Variants in SPAG16 observed in about 807,000 individuals in gnomAD.
SPAG16 encodes sperm associated antigen 16, also known as sperm-associated antigen 16 protein.
A neutral mutation model predicts 80.4 loss-of-function variants in SPAG16; 86 were observed. The observed-to-expected ratio is 1.07, with a 90% CI of 0.90 to 1.28. SPAG16 has a LOEUF of 1.28. Among genes scored for constraint, SPAG16 ranks in the 50% most tolerant of loss-of-function variants. The pLI is 0.00. For synonymous variants in SPAG16, 294 were observed against 265.9 expected (o/e 1.11, Z -1.03); for missense variants, 870 against 765.3 (o/e 1.14, Z -1.61).
At chr2:214,373,281 C>CAA (rs1699928603) in intron 15 of SPAG16, among the ~76,000 whole-genome samples, 1 of 152,116 alleles carries the variant, frequency 6.6e-6, no homozygotes, top group Non-Finnish European at 1.5e-5. Context: ...TAGGGCAGTG[C>CAA]TATATGGCAA....
At chr2:214,014,244 A>G (rs550778808) in intron 13 of SPAG16, among the ~76,000 whole-genome samples, 167 bp downstream of exon 13, 113 of 152,294 alleles carry the variant, frequency 7.4e-4, no homozygotes, top group African/African-American at 2.7e-3. Flanking sequence ...ACTTGTATCC[A>G]TTCTGCCTTC....
chr2:214,408,029 G>C (rs560050212), intron 15 of SPAG16, among the ~76,000 whole-genome samples: 22 of 152,210 alleles, frequency 1.4e-4, no homozygotes, highest in African/African-American at 5.3e-4. Flanking sequence ...ACCAAAATCT[G>C]TTCTTGAAAA....
chr2:214,070,511 A>G (rs1192256265), intron 13 of SPAG16, among the ~76,000 whole-genome samples: 5 of 152,064 alleles, frequency 3.3e-5, no homozygotes, highest in Non-Finnish European at 7.4e-5. Context: ...ATATATACAA[A>G]AGCAATTTTT....
intron 14 of SPAG16, among the ~76,000 whole-genome samples, chr2:214,113,738 GT>G (rs1243859259): frequency 6.6e-6 from 1 of 152,052 alleles, no homozygotes; most frequent in African/African-American, 2.4e-5. Flanking sequence ...TTTTTTCAAG[GT>G]TTTTAGCTTC....
intron 10 of SPAG16, among the ~76,000 whole-genome samples, chr2:213,727,851 AT>A (rs1370480512): frequency 6.6e-6 from 1 of 151,928 alleles, no homozygotes; most frequent in Non-Finnish European, 1.5e-5. Flanking sequence ...TTTTTATTTT[AT>A]TTTATTTTAT....
intron 10 of SPAG16, among the ~76,000 whole-genome samples, chr2:213,531,264 A>G (rs1201435120): frequency 3.3e-5 from 5 of 152,198 alleles, no homozygotes; most frequent in Admixed American, 1.3e-4. Flanking sequence ...GGGAACTCCC[A>G]AATGCCAGAA....
intron 15 of SPAG16, among the ~76,000 whole-genome samples, chr2:214,203,834 G>C (rs1338762043): frequency 6.6e-6 from 1 of 152,140 alleles, no homozygotes; most frequent in Non-Finnish European, 1.5e-5. Context: ...AGAAGGGGGC[G>C]AATCAGGGGT....
intron 9 of SPAG16, among the ~76,000 whole-genome samples, chr2:213,478,452 A>G (rs1196276950): frequency 6.6e-6 from 1 of 152,174 alleles, no homozygotes; most frequent in Non-Finnish European, 1.5e-5. Flanking sequence ...TAATGTCATA[A>G]ATAGGAGTAC....
chr2:214,057,318 T>C (rs1187215077), intron 13 of SPAG16, among the ~76,000 whole-genome samples: 1 of 152,170 alleles, frequency 6.6e-6, no homozygotes, highest in African/African-American at 2.4e-5. Flanking sequence ...GCAGGATGGA[T>C]GTTGTGTTAT....
intron 15 of SPAG16, among the ~76,000 whole-genome samples, chr2:214,203,422 C>T (rs999802747): frequency 2.0e-5 from 3 of 151,996 alleles, no homozygotes; most frequent in Non-Finnish European, 2.9e-5. Context: ...ACCAGAAAGC[C>T]GAGAGAATCC....
intron 10 of SPAG16, among the ~76,000 whole-genome samples, chr2:213,658,487 A>G (rs1344464502): frequency 3.3e-5 from 5 of 152,204 alleles, no homozygotes; most frequent in Non-Finnish European, 7.3e-5. Flanking sequence ...CTTAAGGAGC[A>G]AGCATTTAAT....
At chr2:214,327,234 T>G (rs1696560939) in intron 15 of SPAG16, among the ~76,000 whole-genome samples, 1 of 152,200 alleles carries the variant, frequency 6.6e-6, no homozygotes, top group South Asian at 2.1e-4. Flanking sequence ...GTTTAAACAA[T>G]GAGTTAGTCC....
chr2:214,116,190 T>G (rs535984134), intron 14 of SPAG16, among the ~76,000 whole-genome samples: 1 of 152,336 alleles, frequency 6.6e-6, no homozygotes, highest in East Asian at 1.9e-4. Flanking sequence ...CCACACAGAC[T>G]ACTGCCTCAG....
At chr2:214,225,512 A>G (rs1385082712) in intron 15 of SPAG16, among the ~76,000 whole-genome samples, 2 of 152,172 alleles carry the variant, frequency 1.3e-5, no homozygotes, top group Non-Finnish European at 2.9e-5. Context: ...ATCAATATGT[A>G]AAATATTAAG....
intron 10 of SPAG16, among the ~76,000 whole-genome samples, chr2:213,782,905 T>A (rs1468999974): frequency 6.6e-6 from 1 of 152,086 alleles, no homozygotes; most frequent in East Asian, 1.9e-4. Flanking sequence ...TGTAAAAGAG[T>A]TCTAAGAACT....
intron 10 of SPAG16, among the ~76,000 whole-genome samples, chr2:213,629,667 T>G (rs1416233881): frequency 6.6e-6 from 1 of 152,226 alleles, no homozygotes; most frequent in African/African-American, 2.4e-5. Flanking sequence ...TCCTCATGCC[T>G]CTTTTGCTCT....
At chr2:214,392,738 A>ATG (rs1701163626) in intron 15 of SPAG16, among the ~76,000 whole-genome samples, 1 of 151,880 alleles carries the variant, frequency 6.6e-6, no homozygotes, top group African/African-American at 2.4e-5. Context: ...CTGACTTAAC[A>ATG]GAGTGGGAGA....
At chr2:213,738,319 T>A (rs993973930) in intron 10 of SPAG16, among the ~76,000 whole-genome samples, 1 of 152,160 alleles carries the variant, frequency 6.6e-6, no homozygotes, top group Non-Finnish European at 1.5e-5. Flanking sequence ...ACATACATAC[T>A]TATGATAAAA....
chr2:213,621,541 A>G (rs2061785723), intron 10 of SPAG16, among the ~76,000 whole-genome samples: 1 of 152,160 alleles, frequency 6.6e-6, no homozygotes, highest in Non-Finnish European at 1.5e-5. Flanking sequence ...GAGACATTCA[A>G]CAAAGGGTTG....
Sources: allele counts gnomAD v4.1 joint callset (sites outside exome capture counted in the v4.1 genomes callset), GRCh38; gene constraint gnomAD v4.1.1; transcripts MANE v1.5; gene names NCBI Gene and HGNC (gene_info 2026-07-23, HGNC 2026-07-21).